FGFR1: variants seen among roughly 807,000 people sequenced by gnomAD.
FGFR1 encodes fibroblast growth factor receptor 1.
Under a neutral mutation model 93.7 loss-of-function variants are expected in FGFR1, and 18 were observed. The ratio of observed to expected loss-of-function variants is 0.19; its 90% confidence interval spans 0.13 to 0.28. The LOEUF (loss-of-function observed/expected upper bound fraction) is 0.28, where lower values mean the gene tolerates loss of function less well. Ranked by LOEUF, FGFR1 falls within the 10% of genes least tolerant of loss-of-function variation. The probability of loss-of-function intolerance (pLI) is 1.00; values close to 1 mark genes in which losing one functional copy is unlikely to be tolerated. For synonymous variants in FGFR1, 448 were observed against 429.3 expected (o/e 1.04, Z -0.54); for missense variants, 731 against 1,080.4 (o/e 0.68, Z 4.53).
chr8:38,425,563 G>A (rs1395232037), intron 6 of FGFR1, among the ~76,000 whole-genome samples: 1 of 152,194 alleles, frequency 6.6e-6, no homozygotes, highest in Non-Finnish European at 1.5e-5. Context: ...TAGGGAGTGA[G>A]TTTCAGAACT....
intron 12 of FGFR1, among the ~76,000 whole-genome samples, 178 bp from the exon 13 acceptor site, chr8:38,416,238 CCAGCA>C (rs1816548013): frequency 1.3e-5 from 2 of 152,102 alleles, no homozygotes; most frequent in Admixed American, 1.3e-4. Context: ...ATAATTACTC[CCAGCA>C]TAGTCCAGAA....
At chr8:38,439,463 C>G (rs546871874) in intron 2 of FGFR1, among the ~76,000 whole-genome samples, 1 of 152,148 alleles carries the variant, frequency 6.6e-6, no homozygotes, top group Non-Finnish European at 1.5e-5. Context: ...ATTAAGAACA[C>G]GAGGCAAAAG....
intron 2 of FGFR1, chr8:38,434,523 G>T: frequency 2.9e-6 from 1 of 339,490 alleles, no homozygotes; most frequent in South Asian, 3.4e-5. Context: ...CCATGTCTCT[G>T]AACCTTCACC....
chr8:38,435,843 C>T (rs1825201988), intron 2 of FGFR1, among the ~76,000 whole-genome samples: 1 of 152,244 alleles, frequency 6.6e-6, no homozygotes, highest in African/African-American at 2.4e-5. Flanking sequence ...AACCAACATT[C>T]CAACTCCTGG....
chr8:38,427,941 G>T lies in FGFR1; in HGVS notation c.601C>A (p.His201Asn), dbSNP rs2150910312. The T allele has an allele frequency of 6.2e-7, 1 of 1,614,214 alleles. No individual in the cohort carries two copies. Among genetic ancestry groups the T allele is most frequent in the Non-Finnish European group, 8.5e-7 (1 of 1,180,038 alleles). Residue 201 changes from histidine to asparagine, a missense_variant, in exon 5 of 18, where the codon CAC (histidine) becomes AAC (asparagine). Coordinates refer to ENST00000447712, the MANE Select transcript of FGFR1 (RefSeq NM_023110.3). Reference protein sequence around the residue: ...LKNGKEFKPDHRIGGYKVRYA... With the variant: ...LKNGKEFKPDNRIGGYKVRYA... ...CGTACCTTGTAGCCTCCAATTCTGT[G>T]GTCAGGTTTGAATTCTTTGCCATTT...
intron 1 of FGFR1, among the ~76,000 whole-genome samples, chr8:38,458,517 G>A (rs2151378641): frequency 6.6e-6 from 1 of 152,172 alleles, no homozygotes; most frequent in South Asian, 2.1e-4. Context: ...CTACAGCCTA[G>A]GTGACAGAGT....
chr8:38,456,966 C>T (rs558448727), intron 2 of FGFR1, among the ~76,000 whole-genome samples: 4 of 152,298 alleles, frequency 2.6e-5, no homozygotes, highest in South Asian at 2.1e-4. Flanking sequence ...AAGTTCTACA[C>T]GCAAATTCTA....
intron 2 of FGFR1, among the ~76,000 whole-genome samples, chr8:38,438,542 CAAAA>C (rs544625250): frequency 7.9e-5 from 6 of 76,306 alleles, no homozygotes; most frequent in African/African-American, 4.8e-5. Context: ...GACTCCGTCT[CAAAA>C]AAAAAAAAAA....
Position 38,429,226 on chromosome 8 carries a change from C to T in FGFR1, c.358+456G>A. 2.2e-6 allele frequency: 1 copy of T among 463,612 alleles called. No individual in the cohort carries two copies. The highest frequency in any genetic ancestry group is 1.6e-5 in the South Asian group (1 of 64,496). The allele number at this position is 463,612 out of a possible 1,614,324, so 28.7% of individuals were successfully genotyped here. ...CTCCAGGGCTCCCTGGCTGCCCTCG[C>T]ACAGCTCCCTTGCGGTGCACCTGGG... On this transcript the variant is annotated intron_variant, in intron 3 of 17. Transcript: ENST00000447712. This position sits in a 1 kb window ranked among gnomAD's most constrained non-coding sequence, Gnocchi z 4.4.
At chr8:38,434,152 C>A (rs1002932043) in intron 2 of FGFR1, among the ~76,000 whole-genome samples, 1 of 152,092 alleles carries the variant, frequency 6.6e-6, no homozygotes, top group African/African-American at 2.4e-5. Flanking sequence ...ACATTGCAGT[C>A]ATCAATTGAC....
At chr8:38,442,638 G>T (rs1413729366) in intron 2 of FGFR1, among the ~76,000 whole-genome samples, 2 of 152,088 alleles carry the variant, frequency 1.3e-5, no homozygotes, top group Non-Finnish European at 1.5e-5. Flanking sequence ...TTAAGGAAAA[G>T]AATGTATCGC....
At chr8:38,431,807 CA>C in intron 2 of FGFR1, among the ~76,000 whole-genome samples, 1 of 152,190 alleles carries the variant, frequency 6.6e-6, no homozygotes, top group East Asian at 1.9e-4. Flanking sequence ...GGGAACACCA[CA>C]AAGGTGAGTA....
chr8:38,429,543 A>T lies in FGFR1; in HGVS notation c.358+139T>A. 1 of 976,456 alleles carries T rather than the reference A, an allele frequency of 1.0e-6. No homozygotes were observed. The highest frequency in any genetic ancestry group is 1.5e-6 in the Non-Finnish European group (1 of 647,312). The allele number at this position is 976,456 out of a possible 1,614,324, so 60.5% of individuals were successfully genotyped here. ...CAAGCCACGCGGCAGGCAGGGAGCA[A>T]TGTTAGTGGGCAGCAGTTTCTGAAG... On this transcript the variant is annotated intron_variant, in intron 3 of 17. Transcript: ENST00000447712. This position sits in a 1 kb window ranked among gnomAD's most constrained non-coding sequence, Gnocchi z 4.4.
At chr8:38,435,518 C>T (rs1825034452) in intron 2 of FGFR1, 1 of 152,272 alleles carries the variant, frequency 6.6e-6, no homozygotes, top group Admixed American at 6.5e-5. Context: ...GTCACAACCC[C>T]ATCCAGTGGC....
chr8:38,426,388 G>A lies in FGFR1; in HGVS notation c.622-143C>T. The A allele has an allele frequency of 8.4e-7, 1 of 1,186,144 alleles. No homozygotes were observed. Among genetic ancestry groups the A allele is most frequent in the Non-Finnish European group, 1.2e-6 (1 of 808,490 alleles). The allele number at this position is 1,186,144 out of a possible 1,614,324, so 73.5% of individuals were successfully genotyped here. On this transcript the variant is annotated intron_variant, in intron 5 of 17. Coordinates refer to ENST00000447712, the MANE Select transcript of FGFR1 (RefSeq NM_023110.3). This position sits in a 1 kb window ranked among gnomAD's most constrained non-coding sequence, Gnocchi z 4.1. The stretch of plus-strand genomic sequence containing the variant: ...CAGGCTGCAGGGTTGGCTAGGACAA[G>A]GCGTGGATTGCCCCCCTACCAGCCC...
In FGFR1 at chr8:38,457,349, A is replaced by C. The variant is rs1329627902; in HGVS notation, c.91+7T>G. On this transcript the variant is annotated splice_region_variant and intron_variant, in intron 2 of 17. Coordinates refer to ENST00000447712, the MANE Select transcript of FGFR1 (RefSeq NM_023110.3). ...GGAGTCCAGGCTGCCCCCAGCCAGC[A>C]CCTTACCTTGTTCAGGCAAGGTCGG... is the stretch of plus-strand genomic sequence containing the variant. 19 of 1,612,062 alleles carry C rather than the reference A, an allele frequency of 1.2e-5. No individual in the cohort carries two copies. The highest frequency in any genetic ancestry group is 1.6e-5 in the Non-Finnish European group (19 of 1,179,974).
At position 38,412,171 on chromosome 8, in the gene FGFR1, T is replaced by A. The variant is rs533889909; in HGVS notation, c.*1457A>T. ...AGCTTCAAGGGATTCTGCCTCAGCC[T>A]CCTGTGGAGCTGGGATTACAGGCGT... On this transcript the variant is annotated 3_prime_UTR_variant, in exon 18 of 18. Coordinates refer to ENST00000447712, the MANE Select transcript of FGFR1 (RefSeq NM_023110.3). The A allele has an allele frequency of 9.7e-6, 2 of 207,186 alleles. No homozygotes were observed. Among genetic ancestry groups the A allele is most frequent in the Non-Finnish European group, 9.8e-6 (1 of 101,526 alleles). The allele number at this position is 207,186 out of a possible 1,614,324, so 12.8% of individuals were successfully genotyped here. A position where few individuals can be genotyped will look rare whatever the true frequency, so the allele number is the denominator to read the frequency against.
At chr8:38,466,928 G>A (rs1310367357) in intron 1 of FGFR1, among the ~76,000 whole-genome samples, 2 of 148,898 alleles carry the variant, frequency 1.3e-5, no homozygotes, top group Non-Finnish European at 3.0e-5. Context: ...AAAGTGTCTG[G>A]CTGCCTCATA....
In FGFR1 at chr8:38,425,884, C is replaced by A. The variant is rs754692754; in HGVS notation, c.745+238G>T. On this transcript the variant is annotated intron_variant, in intron 6 of 17. Transcript: ENST00000447712. Reference sequence around the variant, plus strand: ...CCTTCAGGACAGACTCTGAACAGCACCTTCAATTTCACAGTGACAACCAGC... The same window carrying A: ...CCTTCAGGACAGACTCTGAACAGCAACTTCAATTTCACAGTGACAACCAGC... The A allele has an allele frequency of 4.0e-5, 23 of 582,162 alleles. No individual in the cohort carries two copies. In the South Asian group the frequency reaches 4.3e-4, roughly 11 times the overall value. 36.1% of individuals were successfully genotyped at this position (582,162 alleles called of 1,614,324 possible). A position where few individuals can be genotyped will look rare whatever the true frequency, so the allele number is the denominator to read the frequency against.
Sources: gnomAD v4.1 joint callset for allele counts (sites outside exome capture counted in the v4.1 genomes callset) on GRCh38, gnomAD v4.1.1 for gene constraint, Gnocchi (gnomAD v3.1) non-coding constraint, MANE v1.5 for transcripts, NCBI Gene and HGNC (gene_info 2026-07-23, HGNC 2026-07-21) for gene names.